FOXP4: variants seen among roughly 807,000 people sequenced by gnomAD.
FOXP4 encodes the protein forkhead box P4.
A neutral mutation model predicts 82.6 loss-of-function variants in FOXP4; 25 were observed. The ratio of observed to expected loss-of-function variants is 0.30; its 90% CI spans 0.22 to 0.42. The LOEUF (loss-of-function observed/expected upper bound fraction) is 0.42. Ranked by LOEUF, FOXP4 falls within the 10% of genes least tolerant of loss-of-function variation. FOXP4 has a pLI of 1.00. For missense variants in FOXP4, 785 were observed against 900.9 expected (o/e 0.87, Z 1.65); for synonymous variants, 415 against 388.2 (o/e 1.07, Z -0.81).
rs1009166166 is a variant in FOXP4 at position 41,589,675 on chromosome 6, G to A, written c.1066-96G>A. The A allele has an allele frequency of 1.7e-5, 21 of 1,270,208 alleles. No individual in the cohort carries two copies. The Admixed American group carries it at 2.0e-4, about 12-fold the overall frequency. 78.7% of individuals were successfully genotyped at this position (1,270,208 alleles called of 1,614,324 possible). ...AAGGAGGCGAATGGGGGTGGGAATC[G>A]GCGGCCTTCTGAAGAGCCTGGCGGT... On this transcript the variant is annotated intron_variant, in intron 9 of 16. Coordinates refer to ENST00000307972, the MANE Select transcript of FOXP4 (RefSeq NM_001012426.2).
At chr6:41,562,904 G>A (rs1764668943) in intron 1 of FOXP4, among the ~76,000 whole-genome samples, 1 of 152,208 alleles carries the variant, frequency 6.6e-6, no homozygotes, top group Non-Finnish European at 1.5e-5. Flanking sequence ...GAGGGTGATG[G>A]AGCCCTGTGC....
At chr6:41,552,148 CTTTACGT>C (rs1764034642) in intron 1 of FOXP4, among the ~76,000 whole-genome samples, 3 of 152,124 alleles carry the variant, frequency 2.0e-5, no homozygotes, top group Admixed American at 1.3e-4. Context: ...TCCCGGCTGG[CTTTACGT>C]TTCTAGGAGA....
chr6:41,552,911 C>T (rs112979024), intron 1 of FOXP4, among the ~76,000 whole-genome samples: 162 of 152,282 alleles, frequency 1.1e-3, no homozygotes, highest in Non-Finnish European at 1.8e-3. Context: ...ACTCACTCTT[C>T]GGCCTTAGGC....
rs536741913 is a variant in FOXP4 at position 41,558,404 on chromosome 6, C to T, written c.-16-7341C>T. ...ATCAATTTTTAAACCATAGCCCACT[C>T]AGGTGGGTTGTAGCAAGACTTTCTG... On this transcript the variant is annotated intron_variant, in intron 1 of 16. Coordinates refer to ENST00000307972, the MANE Select transcript of FOXP4 (RefSeq NM_001012426.2). This position sits in a 1 kb window ranked among gnomAD's most constrained non-coding sequence, Gnocchi z 4.0. Among the ~76,000 whole-genome samples the T allele has an allele frequency of 1.4e-4, 22 of 152,280 alleles. No homozygotes were observed. Among genetic ancestry groups the T allele is most frequent in the African/African-American group, 5.1e-4 (21 of 41,544 alleles).
At position 41,598,892 on chromosome 6, in the gene FOXP4, G is replaced by C; in HGVS notation, c.1999G>C (p.Asp667His). 6.2e-7 allele frequency: 1 copy of C among 1,607,214 alleles called. No individual in the cohort carries two copies. Among genetic ancestry groups the C allele is most frequent in the African/African-American group, 1.3e-5 (1 of 74,984 alleles). ...CCCCAGCGCCTCGGGGCCTCCGGAA[G>C]ACAGGGACCTGGAGGAGGAGCTGCC... ...PNPSASGPPE[D>H]RDLEEELPGE... Residue 667 changes from aspartate (D) to histidine (H), a missense_variant, in exon 17 of 17, where the codon GAC becomes CAC. By Grantham distance (81) the Asp-to-His change is moderately conservative (BLOSUM62 -1). Coordinates refer to ENST00000307972, the MANE Select transcript of FOXP4 (RefSeq NM_001012426.2).
In FOXP4 at chr6:41,591,449, G is replaced by A; in HGVS notation, c.1536+127G>A. ...GTCCTGCAGAAACAGCCACCCAAGG[G>A]CCCAGCCAGGGCTGCATGCCCACGC... On this transcript the variant is annotated intron_variant, in intron 13 of 16. Coordinates refer to ENST00000307972, the MANE Select transcript of FOXP4 (RefSeq NM_001012426.2). The surrounding 1 kb of genome is among the most constrained non-coding windows in gnomAD (Gnocchi z 4.2). 1.3e-6 allele frequency: 1 copy of A among 799,730 alleles called. No individual in the cohort carries two copies. The highest frequency in any genetic ancestry group is 2.7e-5 in the East Asian group (1 of 37,352). The allele number at this position is 799,730 out of a possible 1,614,324, so 49.5% of individuals were successfully genotyped here. A position where few individuals can be genotyped will look rare whatever the true frequency, so the allele number is the denominator to read the frequency against.
intron 1 of FOXP4, among the ~76,000 whole-genome samples, chr6:41,556,112 C>T (rs976339529): frequency 2.6e-5 from 4 of 151,852 alleles, no homozygotes; most frequent in East Asian, 1.9e-4. Context: ...CAGAGTGACT[C>T]GGGGAGTTAG....
At chr6:41,573,747 G>C (rs79692764) in intron 2 of FOXP4, among the ~76,000 whole-genome samples, 284 of 152,270 alleles carry the variant, frequency 1.9e-3, no homozygotes, top group East Asian at 0.016. Flanking sequence ...GGTTGTTCCA[G>C]TTTTGCAGAG....
intron 2 of FOXP4, among the ~76,000 whole-genome samples, chr6:41,577,169 G>T (rs530263146): frequency 7.3e-4 from 111 of 152,144 alleles, no homozygotes; most frequent in African/African-American, 2.6e-3. Context: ...CCACTCGTAT[G>T]ACCCCTCTGG....
At chr6:41,560,976 C>T (rs1408132217) in intron 1 of FOXP4, among the ~76,000 whole-genome samples, 1 of 152,194 alleles carries the variant, frequency 6.6e-6, no homozygotes, top group Non-Finnish European at 1.5e-5. Context: ...TGGAACTCGT[C>T]ACTTCCGGCC....
intron 5 of FOXP4, 145 bp from the exon 6 acceptor site, chr6:41,586,864 C>T: frequency 4.4e-6 from 6 of 1,348,882 alleles, no homozygotes; most frequent in East Asian, 2.5e-5. Context: ...GGGCCGGGAG[C>T]AGAGACACTG....
intron 6 of FOXP4, 35 bp from the exon 7 acceptor site, chr6:41,587,264 T>C (rs374742106): frequency 1.6e-5 from 25 of 1,609,508 alleles, no homozygotes; most frequent in Non-Finnish European, 2.1e-5. Context: ...CGAGTGTTCG[T>C]GGGGCCCTGC....
At chr6:41,577,928 A>G (rs958963438) in intron 2 of FOXP4, 58 bp from the exon 3 acceptor site, 11 of 1,327,998 alleles carry the variant, frequency 8.3e-6, no homozygotes, top group Non-Finnish European at 1.2e-5. Flanking sequence ...AACACTCCCT[A>G]ATCCCTGGAT....
At position 41,565,941 on chromosome 6, in the gene FOXP4, C is replaced by G. The variant is rs769369627; in HGVS notation, c.181C>G (p.Leu61Val). The G allele has an allele frequency of 5.6e-6, 9 of 1,613,410 alleles. No homozygotes were observed. The highest frequency in any genetic ancestry group is 7.6e-6 in the Non-Finnish European group (9 of 1,179,758). Residue 61 changes from leucine to valine, a missense_variant, in exon 2 of 17, where the codon CTG becomes GTG. Coordinates refer to ENST00000307972, the MANE Select transcript of FOXP4 (RefSeq NM_001012426.2). ...CAATGGTGAGATGAGTCCCGCAGAGCTGCTGCACTTCCAGCAGCAACAGGT... is the reference window on the plus strand; with the variant it reads ...CAATGGTGAGATGAGTCCCGCAGAGGTGCTGCACTTCCAGCAGCAACAGGT... ...DSNGEMSPAE[L>V]LHFQQQQALQ...
At chr6:41,578,131 C>T (rs1314442307) in intron 3 of FOXP4, 50 bp downstream of exon 3, 1 of 1,518,564 alleles carries the variant, frequency 6.6e-7, no homozygotes, top group East Asian at 2.3e-5. Context: ...GAGTGTGGGC[C>T]TGGCACAGAG....
At chr6:41,554,061 G>A (rs1040249115) in intron 1 of FOXP4, among the ~76,000 whole-genome samples, 7 of 152,168 alleles carry the variant, frequency 4.6e-5, no homozygotes, top group African/African-American at 1.7e-4. Flanking sequence ...GAGGAACTGT[G>A]CTTTGCCGTT....
intron 5 of FOXP4, 59 bp from the exon 6 acceptor site, chr6:41,586,950 A>T: frequency 6.6e-7 from 1 of 1,518,378 alleles, no homozygotes; most frequent in Admixed American, 2.0e-5. Context: ...TGGGGGCCAG[A>T]TGGCATGCCT....
chr6:41,568,194 T>C (rs571633358), intron 2 of FOXP4, among the ~76,000 whole-genome samples: 28 of 152,348 alleles, frequency 1.8e-4, no homozygotes, highest in African/African-American at 5.8e-4. Context: ...TTTGGGTTCC[T>C]GCTCCTTCTC....
intron 1 of FOXP4, among the ~76,000 whole-genome samples, chr6:41,562,127 G>T (rs1374676960): frequency 6.6e-6 from 1 of 152,242 alleles, no homozygotes; most frequent in Non-Finnish European, 1.5e-5. Flanking sequence ...GAGACATGAG[G>T]CTGCTGGTGT....
Sources: allele counts gnomAD v4.1 joint callset (sites outside exome capture counted in the v4.1 genomes callset), GRCh38; gene constraint gnomAD v4.1.1; non-coding constraint Gnocchi (gnomAD v3.1); transcripts MANE v1.5; gene names NCBI Gene and HGNC (gene_info 2026-07-23, HGNC 2026-07-21).